Variants in TECR observed in about 807,000 individuals in gnomAD.
The protein encoded by TECR is very-long-chain enoyl-CoA reductase.
A neutral mutation model predicts 50.6 loss-of-function variants in TECR; 19 were observed. That is an observed-to-expected ratio of 0.38 (90% CI 0.26 to 0.55). The LOEUF (loss-of-function observed/expected upper bound fraction) is 0.55. TECR is among the 20% of genes least tolerant of loss of function. TECR has a pLI of 0.79. For missense variants in TECR, 313 were observed against 408.3 expected, an observed-to-expected ratio of 0.77 and a Z score of 2.01; for synonymous variants, 168 against 163.5, an observed-to-expected ratio of 1.03 and a Z score of -0.21.
chr19:14,540,716 G>T (rs2073069127), intron 1 of TECR, among the ~76,000 whole-genome samples: 2 of 151,788 alleles, frequency 1.3e-5, no homozygotes, highest in South Asian at 4.2e-4. Context: ...TTTAGTAGAG[G>T]CAAGGTTTCA....
intron 1 of TECR, among the ~76,000 whole-genome samples, chr19:14,537,785 C>T (rs1009104399): frequency 7.3e-6 from 1 of 136,232 alleles, no homozygotes; most frequent in Non-Finnish European, 1.5e-5. Context: ...TCGCTCTTGT[C>T]CCCTAGGCTG....
intron 1 of TECR, among the ~76,000 whole-genome samples, chr19:14,558,720 C>G (rs1380116289): frequency 6.6e-6 from 1 of 152,198 alleles, no homozygotes; most frequent in African/African-American, 2.4e-5. Flanking sequence ...AGTAGCCCCC[C>G]TCCCACAGGT....
At chr19:14,537,989 G>T (rs1288301582) in intron 1 of TECR, among the ~76,000 whole-genome samples, 1 of 152,030 alleles carries the variant, frequency 6.6e-6, no homozygotes, top group African/African-American at 2.4e-5. Flanking sequence ...CAGGTGATCC[G>T]CCCAACTTGG....
At chr19:14,549,873 G>A (rs1296000852) in intron 1 of TECR, among the ~76,000 whole-genome samples, 1 of 151,838 alleles carries the variant, frequency 6.6e-6, no homozygotes, top group African/African-American at 2.4e-5. Context: ...AACTCGGCAT[G>A]CGGAGGTTGC....
rs1391607537 is a variant in TECR at position 14,563,870 on chromosome 19, C to G, written c.234C>G (p.Phe78Leu). The part of the protein sequence containing the change: ...LPVGTTATLY[F>L]RDLGAQISWV... ...TGGGCACCACGGCCACACTGTACTT[C>G]CGGGACCTGGGGGCCCAGATCAGCT... The change falls in exon 5 of 13, where the codon TTC (phenylalanine) becomes TTG (leucine). Residue 78 changes from phenylalanine to leucine, a missense_variant. Phe to Leu is a conservative substitution (Grantham distance 22). Coordinates refer to ENST00000215567, the MANE Select transcript of TECR (RefSeq NM_138501.6). This position sits in a 1 kb window ranked among gnomAD's most constrained non-coding sequence, Gnocchi z 5.3. 1 of 1,614,044 alleles carries G rather than the reference C, an allele frequency of 6.2e-7. No homozygotes were observed. Among genetic ancestry groups the G allele is most frequent in the African/African-American group, 1.3e-5 (1 of 75,022 alleles).
intron 1 of TECR, 85 bp downstream of exon 1, chr19:14,529,796 G>C: frequency 6.3e-7 from 1 of 1,594,134 alleles, no homozygotes; most frequent in Non-Finnish European, 8.6e-7. Flanking sequence ...CCCACTTTCT[G>C]GTCCTGTGCC....
At chr19:14,562,658 G>T in intron 2 of TECR, 83 bp downstream of exon 2, 1 of 1,527,282 alleles carries the variant, frequency 6.5e-7, no homozygotes, top group Non-Finnish European at 9.1e-7. Flanking sequence ...CTGTCCAGTG[G>T]GGCCCTTTGT....
intron 1 of TECR, among the ~76,000 whole-genome samples, chr19:14,552,679 C>T (rs1324690347): frequency 2.0e-5 from 3 of 151,936 alleles, no homozygotes; most frequent in Non-Finnish European, 4.4e-5. Flanking sequence ...GGACTACAGG[C>T]ACCCGCCACC....
intron 1 of TECR, among the ~76,000 whole-genome samples, chr19:14,558,369 C>T (rs190174269): frequency 6.6e-6 from 1 of 152,204 alleles, no homozygotes; most frequent in African/African-American, 2.4e-5. Flanking sequence ...GCTTGCGGCA[C>T]TCCCCTCTGG....
chr19:14,538,366 G>T (rs577688741), intron 1 of TECR, among the ~76,000 whole-genome samples: 1 of 152,222 alleles, frequency 6.6e-6, no homozygotes, highest in African/African-American at 2.4e-5. Flanking sequence ...CTGGGGGCCT[G>T]TGGGGGAGTG....
Position 14,563,524 on chromosome 19 carries a change from C to T in TECR, c.119-134C>T, listed in dbSNP as rs568873082. ...AACCGCACAAGCCTGAGGGTTTGCC[C>T]CCAGGTGGGAGGAGCTGTGGAGTCC... On this transcript the variant is annotated intron_variant, in intron 3 of 12. Coordinates refer to ENST00000215567, the MANE Select transcript of TECR (RefSeq NM_138501.6). The surrounding 1 kb of genome is among the most constrained non-coding windows in gnomAD (Gnocchi z 5.3). The T allele has an allele frequency of 6.4e-5, 77 of 1,210,142 alleles. No individual in the cohort carries two copies. In the East Asian group the frequency reaches 1.8e-3, roughly 29 times the overall value. 75.0% of individuals were successfully genotyped at this position (1,210,142 alleles called of 1,614,324 possible).
chr19:14,561,962 C>T (rs2146628840), intron 1 of TECR: 2 of 203,904 alleles, frequency 9.8e-6, no homozygotes, highest in Non-Finnish European at 2.0e-5. Context: ...CTCCTCTAGC[C>T]ACTGGCTCTG....
intron 1 of TECR, among the ~76,000 whole-genome samples, chr19:14,544,635 CT>C (rs545193107): frequency 0.21 from 27,561 of 133,908 alleles, 2,490 homozygotes; most frequent in South Asian, 0.38. Context: ...TTGGCCATTC[CT>C]TTTTTTTTTT....
intron 1 of TECR, among the ~76,000 whole-genome samples, chr19:14,553,629 A>G (rs2146608193): frequency 6.6e-6 from 1 of 152,216 alleles, no homozygotes; most frequent in South Asian, 2.1e-4. Context: ...GGAAGTGGGA[A>G]GGAAAGGGAG....
At chr19:14,555,735 G>A (rs371659924) in intron 1 of TECR, among the ~76,000 whole-genome samples, 9 of 152,196 alleles carry the variant, frequency 5.9e-5, no homozygotes, top group East Asian at 1.9e-4. Flanking sequence ...GTCACCATGC[G>A]TGGACACAGC....
In TECR at chr19:14,565,628, G is replaced by A; in HGVS notation, c.764G>A (p.Trp255Ter). 6.2e-7 allele frequency: 1 copy of A among 1,611,968 alleles called. No individual in the cohort carries two copies. The highest frequency in any genetic ancestry group is 8.5e-7 in the Non-Finnish European group (1 of 1,179,702). ...CGCCCCTGCCCACAGGTGGGGTCCTGGATCGGTTTCGCCATCATGACGCAG... is the reference window on the plus strand; with the variant it reads ...CGCCCCTGCCCACAGGTGGGGTCCTAGATCGGTTTCGCCATCATGACGCAG... The part of the protein sequence containing the change: ...CPNYTYEVGS[W>*]IGFAIMTQCL... Residue 255 changes from tryptophan to a stop codon, truncating the protein, a stop_gained, in exon 12 of 13, where the codon TGG (tryptophan) becomes TAG (stop). Transcript: ENST00000215567. LOFTEE classifies it high-confidence loss of function.
intron 1 of TECR, among the ~76,000 whole-genome samples, chr19:14,537,832 G>A (rs1232655758): frequency 7.1e-6 from 1 of 140,032 alleles, no homozygotes; most frequent in African/African-American, 2.7e-5. Context: ...CTGCACCTCC[G>A]CCTCCCGGGT....
chr19:14,558,235 C>T (rs1424751503), intron 1 of TECR, among the ~76,000 whole-genome samples: 2 of 152,182 alleles, frequency 1.3e-5, no homozygotes, highest in African/African-American at 4.8e-5. Context: ...TGTTCACCCA[C>T]CAGGCGGGCG....
intron 1 of TECR, among the ~76,000 whole-genome samples, chr19:14,558,545 G>A (rs1265548451): frequency 6.6e-6 from 1 of 152,158 alleles, no homozygotes; most frequent in Non-Finnish European, 1.5e-5. Context: ...TCTCAGGCTA[G>A]TGGAACTGTC....
Sources: allele counts gnomAD v4.1 joint callset (sites outside exome capture counted in the v4.1 genomes callset), GRCh38; gene constraint gnomAD v4.1.1; non-coding constraint Gnocchi (gnomAD v3.1); transcripts MANE v1.5; gene names NCBI Gene and HGNC (gene_info 2026-07-23, HGNC 2026-07-21).